Variants in C12orf42 observed in about 807,000 individuals in gnomAD.
C12orf42 encodes uncharacterized protein C12orf42.
A neutral mutation model predicts 21.6 loss-of-function variants in C12orf42; 25 were observed. The observed-to-expected ratio is 1.16, with a 90% CI of 0.84 to 1.62. The LOEUF is 1.62. Among genes scored for constraint, C12orf42 ranks in the 40% most tolerant of loss-of-function variants. The pLI, the probability that C12orf42 is intolerant of heterozygous loss-of-function variation, is 0.00. For synonymous variants in C12orf42, 174 were observed against 175.0 expected, an observed-to-expected ratio of 0.99 and a Z score of 0.05; for missense variants, 483 against 459.3, an observed-to-expected ratio of 1.05 and a Z score of -0.47.
intron 2 of C12orf42, among the ~76,000 whole-genome samples, chr12:103,458,176 C>T (rs556528444): frequency 2.7e-4 from 41 of 152,274 alleles, no homozygotes; most frequent in East Asian, 1.9e-4. Flanking sequence ...ACTGAAAAGA[C>T]TCTGTGTCTG....
chr12:103,515,657 A>T, the C12orf42 span, among the ~76,000 whole-genome samples: 6 of 152,232 alleles, frequency 3.9e-5, no homozygotes, highest in Non-Finnish European at 7.3e-5. Flanking sequence ...GTGGTTCCAA[A>T]AAAATGAACT....
chr12:103,375,860 G>C (rs775464164), intron 3 of C12orf42, among the ~76,000 whole-genome samples: 1 of 152,152 alleles, frequency 6.6e-6, no homozygotes, highest in African/African-American at 2.4e-5. Flanking sequence ...AAGGTCAAAG[G>C]CTGTCAGCCA....
At chr12:103,061,343 G>A in the C12orf42 span, among the ~76,000 whole-genome samples, 1 of 152,158 alleles carries the variant, frequency 6.6e-6, no homozygotes, top group Non-Finnish European at 1.5e-5. Context: ...GGAAAGTAAT[G>A]TTTATTCTGT....
At chr12:103,488,529 A>T (rs1164252958) in intron 1 of C12orf42, among the ~76,000 whole-genome samples, 2 of 152,238 alleles carry the variant, frequency 1.3e-5, no homozygotes, top group Non-Finnish European at 2.9e-5. Context: ...TCTCCTGAAC[A>T]ATATCCTGAA....
chr12:103,422,506 TA>T (rs2139148357), intron 2 of C12orf42, among the ~76,000 whole-genome samples: 2 of 152,288 alleles, frequency 1.3e-5, no homozygotes, highest in African/African-American at 4.8e-5. Context: ...TACATTTCAT[TA>T]GTGGTTCTGA....
intron 4 of C12orf42, among the ~76,000 whole-genome samples, chr12:103,348,657 A>G (rs1209006740): frequency 6.6e-6 from 1 of 152,194 alleles, no homozygotes; most frequent in Non-Finnish European, 1.5e-5. Flanking sequence ...CATTTCGGGA[A>G]TTTTTGAAAA....
intron 4 of C12orf42, among the ~76,000 whole-genome samples, chr12:103,347,559 A>G (rs1048407889): frequency 2.0e-5 from 3 of 152,180 alleles, no homozygotes; most frequent in Non-Finnish European, 2.9e-5. Flanking sequence ...ATTCCATAAA[A>G]TCAACAATAG....
chr12:103,201,803 G>A, the C12orf42 span, among the ~76,000 whole-genome samples: 1 of 152,144 alleles, frequency 6.6e-6, no homozygotes, highest in Non-Finnish European at 1.5e-5. Context: ...CGTTGATGTT[G>A]TGAGTTGTCT....
At chr12:103,526,002 G>C in the C12orf42 span, among the ~76,000 whole-genome samples, 1 of 152,128 alleles carries the variant, frequency 6.6e-6, no homozygotes, top group Non-Finnish European at 1.5e-5. Flanking sequence ...CTCCAGCCTG[G>C]GCAAAAGAGT....
the C12orf42 span, among the ~76,000 whole-genome samples, chr12:103,055,686 A>AC: frequency 6.6e-6 from 1 of 151,976 alleles, no homozygotes; most frequent in Non-Finnish European, 1.5e-5. Context: ...TGAATTCAGT[A>AC]CCATTGATGT....
chr12:103,271,268 C>T (rs1181483330), intron 5 of C12orf42, among the ~76,000 whole-genome samples: 2 of 152,130 alleles, frequency 1.3e-5, no homozygotes, highest in Non-Finnish European at 1.5e-5. Flanking sequence ...GCAGCTTAAC[C>T]GCAACAGCCA....
the C12orf42 span, chr12:103,505,482 G>A: frequency 1.5e-3 from 567 of 385,560 alleles, no homozygotes; most frequent in Non-Finnish European, 2.5e-3. Context: ...CTGAGTCATG[G>A]GAACGTGGTA....
chr12:103,555,674 C>A, the C12orf42 span, among the ~76,000 whole-genome samples: 1 of 152,006 alleles, frequency 6.6e-6, no homozygotes, highest in African/African-American at 2.4e-5. Flanking sequence ...CTAGACCTAC[C>A]AAATCAGAAT....
At chr12:103,294,401 G>T (rs2037018954) in intron 4 of C12orf42, among the ~76,000 whole-genome samples, 2 of 132,862 alleles carry the variant, frequency 1.5e-5, no homozygotes, top group Admixed American at 1.6e-4. Context: ...AAGAAAGAAA[G>T]AAAGAAAGAA....
chr12:103,129,545 C>A, the C12orf42 span, among the ~76,000 whole-genome samples: 1 of 152,100 alleles, frequency 6.6e-6, no homozygotes, highest in Non-Finnish European at 1.5e-5. Context: ...CTTTAACAAC[C>A]CTTCTTACAT....
the C12orf42 span, among the ~76,000 whole-genome samples, chr12:103,132,786 C>T: frequency 1.5e-5 from 2 of 130,902 alleles, no homozygotes; most frequent in African/African-American, 5.8e-5. Context: ...CACCCACCCA[C>T]AGCAGCCACC....
chr12:103,421,477 G>T (rs1470188248), intron 2 of C12orf42, among the ~76,000 whole-genome samples: 1 of 151,946 alleles, frequency 6.6e-6, no homozygotes, highest in Non-Finnish European at 1.5e-5. Flanking sequence ...AGGAGGCTGA[G>T]GTGAGAGCAT....
chr12:103,486,816 T>C (rs1954865175), intron 1 of C12orf42, among the ~76,000 whole-genome samples: 1 of 152,216 alleles, frequency 6.6e-6, no homozygotes, highest in Non-Finnish European at 1.5e-5. Flanking sequence ...ATCCCCTATA[T>C]GATTTTTTAT....
chr12:103,459,726 T>TA (rs1270759751), intron 2 of C12orf42, among the ~76,000 whole-genome samples: 1 of 152,180 alleles, frequency 6.6e-6, no homozygotes, highest in Non-Finnish European at 1.5e-5. Context: ...AATGAAAACT[T>TA]AGATATTTCA....
Sources: gnomAD v4.1 joint callset for allele counts (sites outside exome capture counted in the v4.1 genomes callset) on GRCh38, gnomAD v4.1.1 for gene constraint, MANE v1.5 for transcripts, NCBI Gene and HGNC (gene_info 2026-07-23, HGNC 2026-07-21) for gene names.